Variants in SH3BGR observed in about 807,000 individuals in gnomAD.
SH3BGR encodes the protein SH3 domain-binding glutamic acid-rich protein.
Under a neutral mutation model 24.5 loss-of-function variants are expected in SH3BGR, and 29 were observed. The ratio of observed to expected loss-of-function variants is 1.18; its 90% CI spans 0.88 to 1.61. The LOEUF (loss-of-function observed/expected upper bound fraction) is 1.61, where lower values mean the gene tolerates loss of function less well. Ranked by LOEUF, SH3BGR falls within the 40% of genes most tolerant of loss-of-function variation. The pLI, the probability that SH3BGR is intolerant of heterozygous loss-of-function variation, is 0.00. For missense variants in SH3BGR, 162 were observed against 205.8 expected (o/e 0.79, Z 1.30); for synonymous variants, 55 against 65.7 (o/e 0.84, Z 0.79).
chr21:39,487,068 A>G (rs1309454101), intron 3 of SH3BGR, among the ~76,000 whole-genome samples: 2 of 152,200 alleles, frequency 1.3e-5, no homozygotes, highest in Non-Finnish European at 2.9e-5. Flanking sequence ...TATTATATCA[A>G]TGAAAGACAT....
intron 2 of SH3BGR, among the ~76,000 whole-genome samples, chr21:39,470,570 A>G (rs1465100348): frequency 3.3e-5 from 5 of 152,138 alleles, no homozygotes; most frequent in Admixed American, 2.6e-4. Context: ...TCTGTCCCAA[A>G]CATTAAAAGG....
intron 3 of SH3BGR, among the ~76,000 whole-genome samples, chr21:39,495,516 G>C (rs1169506025): frequency 6.8e-6 from 1 of 148,082 alleles, no homozygotes; most frequent in Non-Finnish European, 1.5e-5. Flanking sequence ...ATCTTGCTCT[G>C]TCACCCAGGT....
At chr21:39,451,557 G>C (rs1252472500), upstream of SH3BGR, among the ~76,000 whole-genome samples, 1 of 152,052 alleles carries the variant, frequency 6.6e-6, no homozygotes, top group African/African-American at 2.4e-5. Context: ...TTACTTAAAG[G>C]CCTCTGTGGC....
At chr21:39,470,334 C>T (rs529653839) in intron 2 of SH3BGR, among the ~76,000 whole-genome samples, 1 of 152,052 alleles carries the variant, frequency 6.6e-6, no homozygotes, top group South Asian at 2.1e-4. Flanking sequence ...TCTTGGCTCA[C>T]TGCAGCCTCC....
In SH3BGR at chr21:39,511,655, C is replaced by T. The variant is rs562890382; in HGVS notation, c.436-25C>T. On this transcript the variant is annotated intron_variant, in intron 5 of 6. Transcript: ENST00000333634. This position sits in a 1 kb window ranked among gnomAD's most constrained non-coding sequence, Gnocchi z 4.2. ...TCCTTGGCCCTTATGCTTCTTAATA[C>T]TAATGTAAGTTTTGTTAAAATAAGA... is the stretch of plus-strand genomic sequence containing the variant. The T allele has an allele frequency of 1.9e-6, 3 of 1,605,094 alleles. No individual in the cohort carries two copies. Among genetic ancestry groups the T allele is most frequent in the East Asian group, 4.5e-5 (2 of 44,798 alleles).
chr21:39,459,750 T>A (rs963781147), intron 1 of SH3BGR, among the ~76,000 whole-genome samples: 1 of 151,854 alleles, frequency 6.6e-6, no homozygotes, highest in Non-Finnish European at 1.5e-5. Context: ...AGAGGCCCCA[T>A]CTCGACAAAA....
chr21:39,453,782 A>G (rs2077612180), intron 1 of SH3BGR, among the ~76,000 whole-genome samples: 1 of 152,230 alleles, frequency 6.6e-6, no homozygotes, highest in Non-Finnish European at 1.5e-5. Context: ...GAGGATAAGA[A>G]TAGTGCCTAC....
At chr21:39,470,395 A>C (rs1356666339) in intron 2 of SH3BGR, among the ~76,000 whole-genome samples, 1 of 151,980 alleles carries the variant, frequency 6.6e-6, no homozygotes, top group Non-Finnish European at 1.5e-5. Context: ...AGTAGCTGGG[A>C]TTACAGGCAC....
chr21:39,469,794 G>A (rs961634567), intron 2 of SH3BGR, among the ~76,000 whole-genome samples: 3 of 151,908 alleles, frequency 2.0e-5, no homozygotes, highest in Non-Finnish European at 4.4e-5. Context: ...GAGTAGCTGG[G>A]ATTACAGGCG....
In SH3BGR at chr21:39,470,264, T is replaced by G. The variant is rs189082086; in HGVS notation, c.232-4871T>G. ...AGTAACCTTACTTTTGTCCCAAACT[T>G]TTTTTTTTTTTAAAGCCAGAGTCTG... is the stretch of plus-strand genomic sequence containing the variant. On this transcript the variant is annotated intron_variant, in intron 2 of 6. Coordinates refer to ENST00000333634, the MANE Select transcript of SH3BGR (RefSeq NM_007341.3). Among the ~76,000 whole-genome samples, 182 of 146,780 alleles carry G rather than the reference T, an allele frequency of 1.2e-3. 1 individual carries two copies. Among genetic ancestry groups the G allele is most frequent in the Non-Finnish European group, 7.6e-4 (50 of 66,212 alleles).
rs776952299 is a variant in SH3BGR, at chr21:39,452,161, T to C, written c.45+20T>C. 1 of 1,614,034 alleles carries C rather than the reference T, an allele frequency of 6.2e-7. No homozygotes were observed. Among genetic ancestry groups the C allele is most frequent in the Non-Finnish European group, 8.5e-7 (1 of 1,179,964 alleles). ...ATAGCGGTAGGTGTCTGGTGGACTCTTTCTTCCTATACTCTTTTCTGAATA... is the reference window on the plus strand; with the variant it reads ...ATAGCGGTAGGTGTCTGGTGGACTCCTTCTTCCTATACTCTTTTCTGAATA... On this transcript the variant is annotated intron_variant, in intron 1 of 6. Transcript: ENST00000333634.
chr21:39,452,051 C>G lies in SH3BGR; in HGVS notation c.-46C>G. The G allele has an allele frequency of 6.2e-7, 1 of 1,614,140 alleles. No individual in the cohort carries two copies. The highest frequency in any genetic ancestry group is 8.5e-7 in the Non-Finnish European group (1 of 1,180,030). On this transcript the variant is annotated 5_prime_UTR_variant, in exon 1 of 7. Coordinates refer to ENST00000333634, the MANE Select transcript of SH3BGR (RefSeq NM_007341.3). ...GTCAGGATTTGTCTAGCGGCGCATT[C>G]CCTGACAGGGGTGTGTTGGGGGGAG...
intron 2 of SH3BGR, among the ~76,000 whole-genome samples, chr21:39,465,889 C>T (rs756332195): frequency 1.3e-4 from 20 of 152,184 alleles, no homozygotes; most frequent in Non-Finnish European, 2.6e-4. Flanking sequence ...CTGTGCCTGG[C>T]TGCCCCATAT....
chr21:39,499,165 A>G (rs1471917328), intron 3 of SH3BGR, among the ~76,000 whole-genome samples: 1 of 151,528 alleles, frequency 6.6e-6, no homozygotes, highest in African/African-American at 2.4e-5. Context: ...TGTGGGGATT[A>G]TTGACATTAT....
chr21:39,514,834 G>A (rs1398550512), intron 6 of SH3BGR, among the ~76,000 whole-genome samples: 1 of 152,244 alleles, frequency 6.6e-6, no homozygotes, highest in African/African-American at 2.4e-5. Context: ...TGAAAACACA[G>A]TGGGAAATTA....
Position 39,462,560 on chromosome 21 carries a change from G to T in SH3BGR, c.231G>T (p.Gly77=). The part of the protein sequence containing the change: ...PQIFNEEQYC[G]DFDSFFSAKE... The stretch of plus-strand genomic sequence containing the variant: ...TCTTCAATGAGGAGCAGTACTGTGG[G>T]GTGAGTATGTGCTTCTATTAAAAAT... The change falls in exon 2 of 7, where the codon GGG becomes GGT. Residue 77 remains glycine (G), a splice_region_variant and synonymous_variant. Transcript: ENST00000333634. 6.5e-7 allele frequency: 1 copy of T among 1,547,136 alleles called. No homozygotes were observed. The highest frequency in any genetic ancestry group is 8.7e-7 in the Non-Finnish European group (1 of 1,155,780).
intron 4 of SH3BGR, among the ~76,000 whole-genome samples, chr21:39,507,596 G>T (rs944664389): frequency 6.6e-5 from 10 of 152,158 alleles, no homozygotes; most frequent in African/African-American, 2.4e-4. Context: ...GCCTCCCAAA[G>T]TGCTGGGATT....
chr21:39,451,851 A>G, upstream of SH3BGR: 1 of 1,577,594 alleles, frequency 6.3e-7, no homozygotes, highest in Non-Finnish European at 8.6e-7. Context: ...CGACCAATCA[A>G]ATATTTTCCT....
chr21:39,510,462 T>TACACACACACACACACACTGTAGCTAC (rs148597054), intron 5 of SH3BGR, among the ~76,000 whole-genome samples: 19 of 112,442 alleles, frequency 1.7e-4, no homozygotes, highest in African/African-American at 5.9e-4. Flanking sequence ...ACACTGTAGC[T>TACACACACACACACACACTGTAGCTAC]ACACACACAC....
Sources: allele counts gnomAD v4.1 joint callset (sites outside exome capture counted in the v4.1 genomes callset), GRCh38; gene constraint gnomAD v4.1.1; non-coding constraint Gnocchi (gnomAD v3.1); transcripts MANE v1.5; gene names NCBI Gene and HGNC (gene_info 2026-07-23, HGNC 2026-07-21).